AJAP1: variants seen among roughly 807,000 people sequenced by gnomAD.
The protein encoded by AJAP1 is adherens junctions associated protein 1.
In AJAP1, 5 loss-of-function variants were observed where a neutral mutation model predicts 35.0. The observed-to-expected ratio is 0.14, with a 90% CI of 0.07 to 0.30. The LOEUF is 0.30. AJAP1 is among the 10% of genes least tolerant of loss of function. The pLI is 1.00. For synonymous variants in AJAP1, 284 were observed against 249.3 expected (o/e 1.14, Z -1.31); for missense variants, 586 against 571.0 (o/e 1.03, Z -0.27).
intron 2 of AJAP1, among the ~76,000 whole-genome samples, chr1:4,733,285 G>T (rs888711081): frequency 6.6e-6 from 1 of 151,906 alleles, no homozygotes; most frequent in Non-Finnish European, 1.5e-5. Context: ...GGGGAGCCGT[G>T]GGTCTGTGCT....
chr1:4,716,892 C>T (rs544829013), intron 2 of AJAP1, among the ~76,000 whole-genome samples: 11 of 152,316 alleles, frequency 7.2e-5, no homozygotes, highest in Non-Finnish European at 1.3e-4. Context: ...CTGACCTTGG[C>T]GCTCTGTACA....
chr1:4,750,472 G>A (rs1208020912), intron 2 of AJAP1, among the ~76,000 whole-genome samples: 3 of 152,200 alleles, frequency 2.0e-5, no homozygotes, highest in African/African-American at 7.2e-5. Flanking sequence ...AGTGAAAAGT[G>A]CATGTGGCAG....
chr1:4,774,356 G>A (rs376997662), intron 4 of AJAP1, 71 bp from the exon 5 acceptor site: 24 of 1,442,152 alleles, frequency 1.7e-5, no homozygotes, highest in East Asian at 6.8e-5. Flanking sequence ...CCACAGGCCT[G>A]CCCCGGCTTG....
intron 2 of AJAP1, among the ~76,000 whole-genome samples, chr1:4,740,203 C>A (rs926815357): frequency 5.3e-5 from 8 of 151,628 alleles, no homozygotes; most frequent in Non-Finnish European, 1.2e-4. Flanking sequence ...GAAATTACAG[C>A]ATATGATACA....
intron 2 of AJAP1, among the ~76,000 whole-genome samples, chr1:4,729,148 C>T (rs1415560007): frequency 6.6e-6 from 1 of 152,232 alleles, no homozygotes; most frequent in Non-Finnish European, 1.5e-5. Flanking sequence ...TCAGCCATCT[C>T]AACTTCCCAC....
rs1638892219 is a variant in AJAP1 at position 4,656,789 on chromosome 1, T to C, written c.29+1335T>C. On this transcript the variant is annotated intron_variant, in intron 1 of 5. Coordinates refer to ENST00000378191, the MANE Select transcript of AJAP1 (RefSeq NM_018836.4). The surrounding 1 kb of genome is among the most constrained non-coding windows in gnomAD (Gnocchi z 5.7). ...CTTCAAAGGTTAATCATGGAGCCGA[T>C]TGTGTTGGGTGTGGGATATTGGTCG... 6.6e-6 allele frequency among the ~76,000 whole-genome samples: 1 copy of C among 152,060 alleles called. No individual in the cohort carries two copies. Among genetic ancestry groups the C allele is most frequent in the Non-Finnish European group, 1.5e-5 (1 of 68,002 alleles).
intron 1 of AJAP1, among the ~76,000 whole-genome samples, chr1:4,674,551 A>C (rs1288384977): frequency 6.6e-6 from 1 of 152,248 alleles, no homozygotes; most frequent in East Asian, 1.9e-4. Flanking sequence ...GTGCAGAAGC[A>C]GAAATACGGA....
chr1:4,732,907 T>C (rs1557630880), intron 2 of AJAP1, among the ~76,000 whole-genome samples: 1 of 152,340 alleles, frequency 6.6e-6, no homozygotes, highest in East Asian at 1.9e-4. Context: ...TTGGAGGAAC[T>C]GCGTCTCCAA....
At chr1:4,680,648 A>G (rs191257351) in intron 1 of AJAP1, among the ~76,000 whole-genome samples, 1 of 152,208 alleles carries the variant, frequency 6.6e-6, no homozygotes, top group Non-Finnish European at 1.5e-5. Flanking sequence ...ATGTAAAGCC[A>G]CCCTTGAGTC....
chr1:4,724,627 C>A (rs1281990150), intron 2 of AJAP1, among the ~76,000 whole-genome samples: 1 of 149,690 alleles, frequency 6.7e-6, no homozygotes, highest in African/African-American at 2.5e-5. Flanking sequence ...GTCACCTAGC[C>A]CAGGACTCCT....
chr1:4,660,047 G>A (rs1570077967), intron 1 of AJAP1, among the ~76,000 whole-genome samples: 1 of 152,254 alleles, frequency 6.6e-6, no homozygotes, highest in East Asian at 1.9e-4. Flanking sequence ...CTATGGGGCA[G>A]CCCTGTTCTG....
intron 1 of AJAP1, among the ~76,000 whole-genome samples, chr1:4,709,182 C>T (rs933017116): frequency 2.4e-5 from 3 of 125,048 alleles, no homozygotes; most frequent in Non-Finnish European, 4.7e-5. Context: ...GGCAGGTTTG[C>T]TTGTCATGGC....
chr1:4,754,809 C>T (rs1444463950), intron 2 of AJAP1, among the ~76,000 whole-genome samples: 2 of 152,182 alleles, frequency 1.3e-5, no homozygotes, highest in African/African-American at 4.8e-5. Flanking sequence ...TCCAAGCGAG[C>T]GAGCCTCCCT....
At chr1:4,767,511 ACCATC>A (rs1641711005) in intron 2 of AJAP1, among the ~76,000 whole-genome samples, 1 of 148,744 alleles carries the variant, frequency 6.7e-6, no homozygotes, top group South Asian at 2.2e-4. Flanking sequence ...CACCATCATC[ACCATC>A]ACCACCACCA....
chr1:4,733,837 C>T (rs765934284), intron 2 of AJAP1, among the ~76,000 whole-genome samples: 2 of 152,006 alleles, frequency 1.3e-5, no homozygotes, highest in Non-Finnish European at 2.9e-5. Flanking sequence ...GCCCACACGC[C>T]GTCGTCTGTG....
chr1:4,722,595 A>T (rs893877992), intron 2 of AJAP1, among the ~76,000 whole-genome samples: 2 of 152,162 alleles, frequency 1.3e-5, no homozygotes, highest in African/African-American at 4.8e-5. Flanking sequence ...TGGAGGCCGG[A>T]GTCTGAAGTC....
intron 1 of AJAP1, among the ~76,000 whole-genome samples, chr1:4,671,046 G>A (rs1639237073): frequency 6.6e-6 from 1 of 152,192 alleles, no homozygotes; most frequent in South Asian, 2.1e-4. Flanking sequence ...ATAGGTGATT[G>A]TAATAGGCGC....
chr1:4,708,456 C>T (rs984637974), intron 1 of AJAP1, among the ~76,000 whole-genome samples: 6 of 152,178 alleles, frequency 3.9e-5, no homozygotes, highest in African/African-American at 7.2e-5. Context: ...CATGGATGCC[C>T]TATGGGGTGA....
At chr1:4,766,697 G>A (rs1377636946) in intron 2 of AJAP1, among the ~76,000 whole-genome samples, 1 of 152,142 alleles carries the variant, frequency 6.6e-6, no homozygotes, top group Non-Finnish European at 1.5e-5. Context: ...TGCAGGGTTT[G>A]GTAAACTGTT....
Sources: gnomAD v4.1 joint callset for allele counts (sites outside exome capture counted in the v4.1 genomes callset) on GRCh38, gnomAD v4.1.1 for gene constraint, Gnocchi (gnomAD v3.1) non-coding constraint, MANE v1.5 for transcripts, NCBI Gene and HGNC (gene_info 2026-07-23, HGNC 2026-07-21) for gene names.